The following GRID1 variants were observed in gnomAD, a reference collection of about 807,000 sequenced individuals.
GRID1 encodes the protein glutamate ionotropic receptor delta type subunit 1.
In GRID1, 28 loss-of-function variants were observed where a neutral mutation model predicts 98.0. The observed-to-expected ratio is 0.29, with a 90% confidence interval of 0.21 to 0.39. GRID1 has a LOEUF of 0.39. GRID1 is among the 10% of genes least tolerant of loss of function. The pLI, the probability that GRID1 is intolerant of heterozygous loss-of-function variation, is 1.00. For missense variants in GRID1, 1,111 were observed against 1,340.5 expected (o/e 0.83, Z 2.67); for synonymous variants, 553 against 538.5 (o/e 1.03, Z -0.37).
intron 12 of GRID1, among the ~76,000 whole-genome samples, chr10:85,683,621 A>G (rs1841235545): frequency 6.6e-6 from 1 of 152,228 alleles, no homozygotes; most frequent in African/African-American, 2.4e-5. Context: ...TTAGCTTTTC[A>G]TGCTCACTGG....
intron 4 of GRID1, among the ~76,000 whole-genome samples, chr10:86,067,519 C>T (rs1843738123): frequency 6.6e-6 from 1 of 152,204 alleles, no homozygotes; most frequent in African/African-American, 2.4e-5. Flanking sequence ...CTTGAGCATG[C>T]TTATATTTAC....
At chr10:85,620,153 C>T in intron 13 of GRID1, 120 bp from the exon 14 acceptor site, 1 of 732,050 alleles carries the variant, frequency 1.4e-6, no homozygotes, top group Non-Finnish European at 2.3e-6. Flanking sequence ...TCCTACCCAC[C>T]AGACAGCACA....
chr10:86,334,572 C>T (rs1848197814), intron 2 of GRID1, among the ~76,000 whole-genome samples: 1 of 152,192 alleles, frequency 6.6e-6, no homozygotes. Flanking sequence ...GCATTTAGGG[C>T]TATCTGTCTA....
In GRID1 at chr10:85,856,102, G is replaced by C. The variant is rs1289900545; in HGVS notation, c.1040C>G (p.Ala347Gly). The C allele has an allele frequency of 6.2e-7, 1 of 1,614,038 alleles. No individual in the cohort carries two copies. Among genetic ancestry groups the C allele is most frequent in the East Asian group, 2.2e-5 (1 of 44,862 alleles). ...GGATTTCCGTATGCAGTTGAGGCTC[G>C]CCATGCTATGCCACTTCCGGTCCTC... ...KLEDRKWHSM[A>G]SLNCIRKSTK... Residue 347 changes from alanine to glycine, a missense_variant, in exon 7 of 16, where the codon GCG becomes GGG. By Grantham distance (60) the Ala-to-Gly change is moderately conservative. Around this residue, in one of 3 missense-constraint regions of GRID1, gnomAD observed 762 missense variants for 869.1 expected, o/e 0.88. Transcript: ENST00000327946.
intron 2 of GRID1, among the ~76,000 whole-genome samples, chr10:86,210,220 G>A (rs1241187587): frequency 6.6e-6 from 1 of 152,142 alleles, no homozygotes; most frequent in African/African-American, 2.4e-5. Flanking sequence ...CACAAGGTGG[G>A]TGCAGAGTGA....
At chr10:86,311,017 T>C (rs1250958997) in intron 2 of GRID1, among the ~76,000 whole-genome samples, 1 of 151,682 alleles carries the variant, frequency 6.6e-6, no homozygotes, top group South Asian at 2.1e-4. Flanking sequence ...GAGGAGGACA[T>C]GGGCAGGAGG....
intron 3 of GRID1, among the ~76,000 whole-genome samples, chr10:86,204,625 G>A (rs1168853640): frequency 6.6e-6 from 1 of 152,244 alleles, no homozygotes; most frequent in Admixed American, 6.5e-5. Context: ...GGAGTCACAG[G>A]AGCCCAGGCG....
chr10:86,167,863 G>A (rs539329190), intron 3 of GRID1, among the ~76,000 whole-genome samples: 7 of 152,174 alleles, frequency 4.6e-5, no homozygotes, highest in Admixed American at 1.3e-4. Flanking sequence ...AGAAGAAGAC[G>A]CTGTGCTCCA....
At chr10:86,172,016 C>A (rs1035069634) in intron 3 of GRID1, among the ~76,000 whole-genome samples, 2 of 151,074 alleles carry the variant, frequency 1.3e-5, no homozygotes, top group Admixed American at 6.6e-5. Flanking sequence ...ATTTACATGC[C>A]AAAAAATTCA....
intron 4 of GRID1, among the ~76,000 whole-genome samples, chr10:86,113,874 C>T (rs987236098): frequency 6.6e-6 from 1 of 152,220 alleles, no homozygotes; most frequent in Non-Finnish European, 1.5e-5. Flanking sequence ...GGGTAGAAGC[C>T]ACAGGACAGC....
intron 8 of GRID1, among the ~76,000 whole-genome samples, chr10:85,752,899 A>C (rs1842061157): frequency 6.6e-6 from 1 of 152,188 alleles, no homozygotes; most frequent in Non-Finnish European, 1.5e-5. Flanking sequence ...TAAATTCCCT[A>C]CCAGGTGGAT....
chr10:85,920,772 G>A (rs1420066234), intron 4 of GRID1, among the ~76,000 whole-genome samples: 1 of 152,216 alleles, frequency 6.6e-6, no homozygotes, highest in Admixed American at 6.5e-5. Flanking sequence ...GGGAGGGAAG[G>A]GGGGCCGGCC....
intron 5 of GRID1, among the ~76,000 whole-genome samples, chr10:85,871,965 A>T (rs1251174875): frequency 1.3e-5 from 2 of 152,178 alleles, no homozygotes; most frequent in Admixed American, 1.3e-4. Flanking sequence ...ATTTTATTAG[A>T]TTGGAACCGA....
intron 5 of GRID1, among the ~76,000 whole-genome samples, chr10:85,872,201 A>G (rs938044945): frequency 5.9e-5 from 9 of 152,190 alleles, no homozygotes; most frequent in African/African-American, 2.2e-4. Flanking sequence ...AAGTAAGAAT[A>G]TAAGAAAAAG....
intron 10 of GRID1, among the ~76,000 whole-genome samples, 178 bp downstream of exon 10, chr10:85,727,677 G>T (rs1243994727): frequency 3.3e-5 from 5 of 152,184 alleles, no homozygotes; most frequent in Admixed American, 2.0e-4. Flanking sequence ...GGAGATACAA[G>T]AGCAGAAATG....
At chr10:85,803,086 T>C (rs775076849) in intron 8 of GRID1, among the ~76,000 whole-genome samples, 3 of 152,030 alleles carry the variant, frequency 2.0e-5, no homozygotes, top group South Asian at 2.1e-4. Flanking sequence ...GGAAGGGTAG[T>C]TGGAGGGTAA....
At chr10:86,074,225 G>C (rs935384615) in intron 4 of GRID1, among the ~76,000 whole-genome samples, 6 of 152,146 alleles carry the variant, frequency 3.9e-5, no homozygotes, top group African/African-American at 1.4e-4. Context: ...GTTAAGTATA[G>C]TCACCCTGCT....
At chr10:85,909,056 C>G (rs1446213647) in intron 5 of GRID1, among the ~76,000 whole-genome samples, 1 of 151,780 alleles carries the variant, frequency 6.6e-6, no homozygotes, top group Non-Finnish European at 1.5e-5. Flanking sequence ...ATCTTTTATC[C>G]CAATGTAAAA....
At position 86,286,976 on chromosome 10, in the gene GRID1, C is replaced by T. The variant is rs369618169; in HGVS notation, c.235+76965G>A. 1.4e-4 allele frequency among the ~76,000 whole-genome samples: 22 copies of T among 152,146 alleles called. No individual in the cohort carries two copies. The East Asian group carries it at 3.1e-3, about 21-fold the overall frequency. ...ACAGACATGGCCACCTGGTGTTGCT[C>T]CTATGAGCCATGCTCTTATAGGCTG... is the stretch of plus-strand genomic sequence containing the variant. On this transcript the variant is annotated intron_variant, in intron 2 of 15. Coordinates refer to ENST00000327946, the MANE Select transcript of GRID1 (RefSeq NM_017551.3).
Sources: allele counts gnomAD v4.1 joint callset (sites outside exome capture counted in the v4.1 genomes callset), GRCh38; gene constraint gnomAD v4.1.1; regional missense constraint gnomAD v4.1.1; transcripts MANE v1.5; gene names NCBI Gene and HGNC (gene_info 2026-07-23, HGNC 2026-07-21).